Variants in ULK4 observed in about 807,000 individuals in gnomAD.
ULK4 encodes the protein unc-51 like kinase 4.
A neutral mutation model predicts 160.6 loss-of-function variants in ULK4; 133 were observed. The observed-to-expected ratio is 0.83, with a 90% confidence interval of 0.72 to 0.96. The LOEUF is 0.96. Among genes scored for constraint, ULK4 ranks in the 40% least tolerant of loss-of-function variants. The pLI, the probability that ULK4 is intolerant of heterozygous loss-of-function variation, is 0.00. For synonymous variants in ULK4, 534 were observed against 539.8 expected, an observed-to-expected ratio of 0.99 and a Z score of 0.15; for missense variants, 1,580 against 1,499.5, an observed-to-expected ratio of 1.05 and a Z score of -0.89.
chr3:41,273,822 G>T (rs913460274), intron 35 of ULK4, among the ~76,000 whole-genome samples: 4 of 151,796 alleles, frequency 2.6e-5, no homozygotes, highest in Non-Finnish European at 4.4e-5. Flanking sequence ...GAATGGACTG[G>T]TTCCTGTGAG....
intron 30 of ULK4, among the ~76,000 whole-genome samples, chr3:41,635,749 TCA>T (rs1215177991): frequency 5.3e-5 from 8 of 152,294 alleles, no homozygotes; most frequent in South Asian, 2.1e-4. Context: ...AGCAATTTGC[TCA>T]CAGTCACTCA....
At chr3:41,796,048 C>G (rs1394342549) in intron 20 of ULK4, among the ~76,000 whole-genome samples, 6 of 152,068 alleles carry the variant, frequency 3.9e-5, no homozygotes, top group Admixed American at 3.3e-4. Context: ...CGCCCAGTAT[C>G]CATATGTCAG....
At chr3:41,672,626 T>A (rs748195189) in intron 29 of ULK4, among the ~76,000 whole-genome samples, 4 of 152,152 alleles carry the variant, frequency 2.6e-5, no homozygotes, top group Non-Finnish European at 5.9e-5. Context: ...ATAGTTCTAC[T>A]CTTTGATAGA....
At chr3:41,446,591 C>A (rs1168573602) in intron 34 of ULK4, among the ~76,000 whole-genome samples, 2 of 151,244 alleles carry the variant, frequency 1.3e-5, no homozygotes, top group Non-Finnish European at 2.9e-5. Flanking sequence ...ATGGATGAAG[C>A]TGGAAACCAT....
intron 30 of ULK4, among the ~76,000 whole-genome samples, chr3:41,660,296 CA>C (rs138698771): frequency 3.6e-5 from 5 of 140,296 alleles, no homozygotes; most frequent in Non-Finnish European, 3.1e-5. Flanking sequence ...AACTCCGTCT[CA>C]AAAAAAAAAG....
At chr3:41,723,324 T>G (rs1213227321) in intron 22 of ULK4, among the ~76,000 whole-genome samples, 1 of 152,138 alleles carries the variant, frequency 6.6e-6, no homozygotes, top group African/African-American at 2.4e-5. Flanking sequence ...GTTATTGATT[T>G]GGAGGCATTA....
intron 3 of ULK4, among the ~76,000 whole-genome samples, chr3:41,937,522 T>C (rs1699817949): frequency 6.6e-6 from 1 of 152,180 alleles, no homozygotes; most frequent in Non-Finnish European, 1.5e-5. Context: ...TAATACCTAT[T>C]AATAGTTAAT....
At chr3:41,608,163 C>T (rs376523548) in intron 31 of ULK4, among the ~76,000 whole-genome samples, 18 of 152,122 alleles carry the variant, frequency 1.2e-4, no homozygotes, top group South Asian at 4.1e-4. Flanking sequence ...CAATTTCACC[C>T]GGTAGAACTA....
At chr3:41,506,769 T>TATATATATATATATATAA (rs2085398761) in intron 32 of ULK4, among the ~76,000 whole-genome samples, 3 of 31,608 alleles carry the variant, frequency 9.5e-5, no homozygotes, top group African/African-American at 4.2e-4. Context: ...TGATTTAAAA[T>TATATATATATATATATAA]ATATATATAT....
At chr3:41,785,421 C>G (rs2039972033) in intron 21 of ULK4, among the ~76,000 whole-genome samples, 1 of 152,126 alleles carries the variant, frequency 6.6e-6, no homozygotes, top group Admixed American at 6.5e-5. Flanking sequence ...AAAATTATGT[C>G]TGGGTAGTGA....
intron 30 of ULK4, among the ~76,000 whole-genome samples, chr3:41,651,234 C>T (rs749169989): frequency 6.6e-6 from 1 of 152,156 alleles, no homozygotes; most frequent in Non-Finnish European, 1.5e-5. Context: ...AAATTGGGGG[C>T]TTGCTTTTAA....
At chr3:41,948,200 C>T (rs1352905827) in intron 2 of ULK4, among the ~76,000 whole-genome samples, 2 of 152,062 alleles carry the variant, frequency 1.3e-5, no homozygotes, top group African/African-American at 4.8e-5. Flanking sequence ...CCTGTAATCC[C>T]GGCATTTCGG....
intron 20 of ULK4, among the ~76,000 whole-genome samples, chr3:41,790,912 T>C (rs868867746): frequency 6.6e-6 from 1 of 152,198 alleles, no homozygotes; most frequent in African/African-American, 2.4e-5. Flanking sequence ...AAGCTATGAA[T>C]AGTTTTATAA....
At position 41,866,651 on chromosome 3, in the gene ULK4, C is replaced by T. The variant is rs143612852; in HGVS notation, c.1656+17223G>A. Among the ~76,000 whole-genome samples, 59 of 152,280 alleles carry T rather than the reference C, an allele frequency of 3.9e-4. No individual in the cohort carries two copies. The East Asian group carries it at 0.011, about 29-fold the overall frequency. ...CCATAAACCAGTCCTGGTCCACAGC[C>T]CGGTTTGGGGACCCCTGTATTAATG... On this transcript the variant is annotated intron_variant, in intron 17 of 36. Transcript: ENST00000301831.
At chr3:41,738,286 C>A (rs1207080790) in intron 22 of ULK4, among the ~76,000 whole-genome samples, 1 of 151,920 alleles carries the variant, frequency 6.6e-6, no homozygotes, top group African/African-American at 2.4e-5. Context: ...TCTACTGGAG[C>A]AAATCATCAT....
chr3:41,438,201 T>G (rs1334780228), intron 34 of ULK4, among the ~76,000 whole-genome samples: 1 of 152,010 alleles, frequency 6.6e-6, no homozygotes, highest in East Asian at 1.9e-4. Flanking sequence ...GAGTAAGCCC[T>G]TGCTGTTTCT....
chr3:41,695,477 T>C lies in ULK4; in HGVS notation c.2781+9580A>G, dbSNP rs149884945. ...ACAAACTGAGGAAAAAATATTTTGT[T>C]GTAACATAAAATGAGGTAGCATTCA... On this transcript the variant is annotated intron_variant, in intron 27 of 36. Coordinates refer to ENST00000301831, the MANE Select transcript of ULK4 (RefSeq NM_017886.4). Among the ~76,000 whole-genome samples the C allele has an allele frequency of 4.3e-4, 65 of 152,276 alleles. No homozygotes were observed. In the Middle Eastern group the frequency reaches 0.014, roughly 32 times the overall value.
chr3:41,916,635 C>A (rs995506008), intron 7 of ULK4, among the ~76,000 whole-genome samples: 7 of 152,068 alleles, frequency 4.6e-5, no homozygotes, highest in Admixed American at 1.3e-4. Context: ...CAGTGATCCA[C>A]CTGCCTTGGA....
chr3:41,769,888 G>C (rs2039296168), intron 21 of ULK4, among the ~76,000 whole-genome samples: 1 of 152,144 alleles, frequency 6.6e-6, no homozygotes, highest in South Asian at 2.1e-4. Flanking sequence ...AAATCAATAT[G>C]TATAGCCTGG....
Sources: gnomAD v4.1 joint callset for allele counts (sites outside exome capture counted in the v4.1 genomes callset) on GRCh38, gnomAD v4.1.1 for gene constraint, MANE v1.5 for transcripts, NCBI Gene and HGNC (gene_info 2026-07-23, HGNC 2026-07-21) for gene names.